DLGAP4: variants seen among roughly 807,000 people sequenced by gnomAD.
DLGAP4 encodes the protein disks large-associated protein 4.
A neutral mutation model predicts 86.9 loss-of-function variants in DLGAP4; 18 were observed. The ratio of observed to expected loss-of-function variants is 0.21; its 90% CI spans 0.14 to 0.31. DLGAP4 has a LOEUF of 0.31. Ranked by LOEUF, DLGAP4 falls within the 10% of genes least tolerant of loss-of-function variation. The pLI is 1.00. For synonymous variants in DLGAP4, 548 were observed against 574.3 expected, an observed-to-expected ratio of 0.95 and a Z score of 0.65; for missense variants, 1,085 against 1,362.6, an observed-to-expected ratio of 0.80 and a Z score of 3.21.
intron 2 of DLGAP4, among the ~76,000 whole-genome samples, chr20:36,368,555 G>C (rs1256594763): frequency 6.6e-6 from 1 of 152,164 alleles, no homozygotes; most frequent in Non-Finnish European, 1.5e-5. Context: ...CCACAACCTG[G>C]CTCTCCCGAC....
Position 36,431,965 on chromosome 20 carries a change from C to T in DLGAP4, c.248C>T (p.Pro83Leu). The change falls in exon 3 of 13, where the codon CCA becomes CTA. Residue 83 changes from proline (P) to leucine (L), a missense_variant. By Grantham distance (98) the Pro-to-Leu change is moderately conservative. This residue lies in a region of DLGAP4 where 1,082 missense variants were observed against 1,344.1 expected (regional missense o/e 0.81). Coordinates refer to ENST00000339266, the MANE Select transcript of DLGAP4 (RefSeq NM_001365621.2). This position sits in a 1 kb window ranked among gnomAD's most constrained non-coding sequence, Gnocchi z 5.1. ...CACTACAACTCCCACTTCGAGGTGC[C>T]AGAGGAGAGCCCCTTCCCCAGCCAT... ...RIHYNSHFEVPEESPFPSHAQ... is the reference protein window; with the variant it reads ...RIHYNSHFEVLEESPFPSHAQ... 6.2e-7 allele frequency: 1 copy of T among 1,614,242 alleles called. No homozygotes were observed. The highest frequency in any genetic ancestry group is 8.5e-7 in the Non-Finnish European group (1 of 1,180,036).
At chr20:36,402,742 TA>T (rs201826241) in intron 2 of DLGAP4, among the ~76,000 whole-genome samples, 6 of 151,954 alleles carry the variant, frequency 3.9e-5, no homozygotes, top group East Asian at 1.9e-4. Flanking sequence ...CCCTGTCTCA[TA>T]AAAAAAAATT....
intron 7 of DLGAP4, chr20:36,461,671 C>CCG: frequency 1.1e-5 from 2 of 180,476 alleles, no homozygotes; most frequent in Non-Finnish European, 1.9e-5. Flanking sequence ...CCGCCCGGCC[C>CCG]GGCCCGGCCC....
rs560137899 is a variant in DLGAP4, at chr20:36,414,226, G to T, written c.-72-17420G>T. On this transcript the variant is annotated intron_variant, in intron 2 of 12. Transcript: ENST00000339266. ...CAACAACAAACCCTGCTTGAAAACA[G>T]CAGCCAAGGGGGTGATCCTGGTCCA... 2.0e-5 allele frequency among the ~76,000 whole-genome samples: 3 copies of T among 152,294 alleles called. No homozygotes were observed. The South Asian group carries it at 6.2e-4, about 32-fold the overall frequency.
intron 2 of DLGAP4, among the ~76,000 whole-genome samples, chr20:36,413,482 A>T (rs1216821127): frequency 8.0e-6 from 1 of 125,692 alleles, no homozygotes; most frequent in East Asian, 2.5e-4. Flanking sequence ...CAGTGGCATG[A>T]TCTCAGCTCA....
intron 7 of DLGAP4, among the ~76,000 whole-genome samples, chr20:36,483,084 G>A (rs1363597411): frequency 6.6e-6 from 1 of 152,186 alleles, no homozygotes; most frequent in Non-Finnish European, 1.5e-5. Context: ...AGGTGTCCAG[G>A]GTGGGCTGGG....
chr20:36,315,130 G>C (rs981918902), intron 1 of DLGAP4, among the ~76,000 whole-genome samples: 1 of 147,350 alleles, frequency 6.8e-6, no homozygotes, highest in Non-Finnish European at 1.5e-5. Flanking sequence ...ATGTGGTGTG[G>C]TGTGTGTGAT....
chr20:36,411,816 C>T (rs377324200), intron 2 of DLGAP4, among the ~76,000 whole-genome samples: 2 of 152,330 alleles, frequency 1.3e-5, no homozygotes, highest in African/African-American at 4.8e-5. Context: ...CTGAATCCCT[C>T]GCCTTTGGCC....
At chr20:36,471,217 G>A (rs760921893) in intron 7 of DLGAP4, among the ~76,000 whole-genome samples, 9 of 152,162 alleles carry the variant, frequency 5.9e-5, no homozygotes, top group African/African-American at 2.2e-4. Context: ...TGCCGGGCGC[G>A]ATGGCTCATG....
chr20:36,462,686 G>A (rs2147622838), intron 7 of DLGAP4: 1 of 1,509,068 alleles, frequency 6.6e-7, no homozygotes, highest in Admixed American at 2.4e-5. Flanking sequence ...CTGGGGCAAG[G>A]GCTGGCGCTA....
rs11477084 is a variant in DLGAP4 at position 36,528,438 on chromosome 20, AG to A, written c.*1414del. On this transcript the variant is annotated 3_prime_UTR_variant, in exon 13 of 13. Coordinates refer to ENST00000339266, the MANE Select transcript of DLGAP4 (RefSeq NM_001365621.2). ...CATCCTCTTGGCTGGCGCTTGCTGC[AG>A]GGGGGGACCCCCCCCCGTCCCCAGG... 0.048 allele frequency: 5,947 copies of A among 122,678 alleles called. 163 individuals are homozygous for A. The highest frequency in any genetic ancestry group is 0.1 in the Middle Eastern group (25 of 250). The allele number at this position is 122,678 out of a possible 1,614,324, so 7.6% of individuals were successfully genotyped here. A position where few individuals can be genotyped will look rare whatever the true frequency, so the allele number is the denominator to read the frequency against.
intron 7 of DLGAP4, among the ~76,000 whole-genome samples, chr20:36,447,157 T>G (rs886354245): frequency 6.6e-6 from 1 of 152,082 alleles, no homozygotes; most frequent in African/African-American, 2.4e-5. Flanking sequence ...ATGCCACCCC[T>G]GGGGGGCATG....
chr20:36,472,266 CCAAG>C (rs2034699735), intron 7 of DLGAP4, among the ~76,000 whole-genome samples: 1 of 152,086 alleles, frequency 6.6e-6, no homozygotes, highest in Non-Finnish European at 1.5e-5. Context: ...CTTTGGGAAG[CCAAG>C]ACGAGTGGAT....
intron 10 of DLGAP4, chr20:36,510,872 T>C (rs2036655915): frequency 1.3e-5 from 2 of 152,220 alleles, no homozygotes; most frequent in Admixed American, 6.6e-5. Context: ...AATATAACTT[T>C]CAATTACCAT....
chr20:36,480,171 CAT>C (rs1161190852), intron 7 of DLGAP4, among the ~76,000 whole-genome samples: 1 of 152,164 alleles, frequency 6.6e-6, no homozygotes, highest in Admixed American at 6.6e-5. Flanking sequence ...CAGTTTCTGT[CAT>C]AGCAGGTATT....
chr20:36,330,955 A>G (rs192262126), intron 1 of DLGAP4, among the ~76,000 whole-genome samples: 15 of 152,104 alleles, frequency 9.9e-5, no homozygotes, highest in Admixed American at 8.5e-4. Flanking sequence ...TGTTGTTGTT[A>G]TTATTATTAT....
intron 1 of DLGAP4, among the ~76,000 whole-genome samples, chr20:36,310,466 C>G (rs1244011713): frequency 6.6e-6 from 1 of 152,146 alleles, no homozygotes; most frequent in Non-Finnish European, 1.5e-5. Flanking sequence ...TGTCCCCTCT[C>G]TGGGCTCCCT....
In DLGAP4 at chr20:36,332,817, C is replaced by T. The variant is rs568876013; in HGVS notation, c.-304+26305C>T. Reference sequence around the variant, plus strand: ...CACCTCCCCTCCCATCCCAGCCCCCCACCAGTCAAGGCCCCTTCTGAGCCA... The same window carrying T: ...CACCTCCCCTCCCATCCCAGCCCCCTACCAGTCAAGGCCCCTTCTGAGCCA... On this transcript the variant is annotated intron_variant, in intron 1 of 12. Coordinates refer to ENST00000339266, the MANE Select transcript of DLGAP4 (RefSeq NM_001365621.2). Among the ~76,000 whole-genome samples, 4 of 152,204 alleles carry T rather than the reference C, an allele frequency of 2.6e-5. No individual in the cohort carries two copies. The East Asian group carries it at 7.8e-4, about 29-fold the overall frequency.
At chr20:36,327,446 G>T (rs1016959933) in intron 1 of DLGAP4, among the ~76,000 whole-genome samples, 4 of 152,094 alleles carry the variant, frequency 2.6e-5, no homozygotes, top group Non-Finnish European at 5.9e-5. Context: ...GCAGAGTGCA[G>T]CACAGGAAAC....
Sources: gnomAD v4.1 joint callset for allele counts (sites outside exome capture counted in the v4.1 genomes callset) on GRCh38, gnomAD v4.1.1 for gene constraint, gnomAD v4.1.1 regional missense constraint, Gnocchi (gnomAD v3.1) non-coding constraint, MANE v1.5 for transcripts, NCBI Gene and HGNC (gene_info 2026-07-23, HGNC 2026-07-21) for gene names.